PSG5: variants seen among roughly 807,000 people sequenced by gnomAD.
PSG5 encodes pregnancy-specific beta-1-glycoprotein 5.
In PSG5, 53 loss-of-function variants were observed where a neutral mutation model predicts 37.7. The ratio of observed to expected loss-of-function variants is 1.41; its 90% CI spans 1.13 to 1.77. The LOEUF (loss-of-function observed/expected upper bound fraction) is 1.77, where lower values mean the gene tolerates loss of function less well. Ranked by LOEUF, PSG5 falls within the 40% of genes most tolerant of loss-of-function variation. PSG5 has a pLI of 0.00. For synonymous variants in PSG5, 221 were observed against 155.4 expected (o/e 1.42, Z -3.14); for missense variants, 547 against 405.2 (o/e 1.35, Z -3.00).
chr19:43,168,085 A>G lies in PSG5; in HGVS notation c.*159T>C. 1 of 444,190 alleles carries G rather than the reference A, an allele frequency of 2.3e-6. No individual in the cohort carries two copies. The highest frequency in any genetic ancestry group is 3.5e-5 in the East Asian group (1 of 28,750). 27.5% of individuals were successfully genotyped at this position (444,190 alleles called of 1,614,324 possible). A position where few individuals can be genotyped will look rare whatever the true frequency, so the allele number is the denominator to read the frequency against. On this transcript the variant is annotated 3_prime_UTR_variant, in exon 6 of 6. Transcript: ENST00000342951. ...AGTCCAGTGGTATGATCTTGAAGTT[A>G]TCAGGAACTTGTATTCAAGAGTCCT... is the stretch of plus-strand genomic sequence containing the variant.
At chr19:43,182,705 A>AATTTT (rs1555719494) in intron 2 of PSG5, among the ~76,000 whole-genome samples, 11 of 58,498 alleles carry the variant, frequency 1.9e-4, no homozygotes, top group African/African-American at 7.7e-4. Context: ...CATTTCAATA[A>AATTTT]TTTTTTTTTT....
chr19:43,178,631 A>C (rs186558943), intron 2 of PSG5, among the ~76,000 whole-genome samples: 4,484 of 145,988 alleles, frequency 0.031, 211 homozygotes, highest in African/African-American at 0.085. Context: ...AGCCTGAGAC[A>C]TTCACCTGTT....
chr19:43,180,973 G>C (rs574223032), intron 2 of PSG5, among the ~76,000 whole-genome samples: 1 of 151,642 alleles, frequency 6.6e-6, no homozygotes, highest in Non-Finnish European at 1.5e-5. Flanking sequence ...CCCCAAAACA[G>C]GTATGTGAAA....
intron 2 of PSG5, among the ~76,000 whole-genome samples, chr19:43,177,039 G>C (rs1386996805): frequency 4.0e-5 from 6 of 151,760 alleles, no homozygotes; most frequent in African/African-American, 1.5e-4. Flanking sequence ...ATGTGTGTTT[G>C]ATGGATATGA....
rs183030205 is a variant in PSG5, at chr19:43,173,911, C to A, written c.964+1304G>T. ...AAAAAAAATTGAACAAATATTTGTACACTGATGTTCAGAGAAGCATTACTC... is the reference window on the plus strand; with the variant it reads ...AAAAAAAATTGAACAAATATTTGTAAACTGATGTTCAGAGAAGCATTACTC... On this transcript the variant is annotated intron_variant, in intron 4 of 5. Coordinates refer to ENST00000342951, the MANE Select transcript of PSG5 (RefSeq NM_002781.4). 1.7e-4 allele frequency among the ~76,000 whole-genome samples: 26 copies of A among 151,658 alleles called. 1 individual carries two copies. The highest frequency in any genetic ancestry group is 4.6e-4 in the African/African-American group (19 of 41,216).
At chr19:43,182,996 C>T (rs949389743) in intron 2 of PSG5, among the ~76,000 whole-genome samples, 1 of 150,668 alleles carries the variant, frequency 6.6e-6, no homozygotes, top group Admixed American at 6.6e-5. Flanking sequence ...GAACAGCCAG[C>T]CTAGTTAGAG....
At chr19:43,179,765 T>C (rs2122227868) in intron 2 of PSG5, among the ~76,000 whole-genome samples, 1 of 151,740 alleles carries the variant, frequency 6.6e-6, no homozygotes, top group South Asian at 2.1e-4. Flanking sequence ...AGGTGTCTCA[T>C]AGTGACTGAC....
rs1355025459 is a variant in PSG5, at chr19:43,170,189, T to A, written c.965-51A>T. Reference sequence around the variant, plus strand: ...GGAATGAAGGTGATGTTATTTTACATGGGGGAGCCTCAGGAAGAGGCATGT... The same window carrying A: ...GGAATGAAGGTGATGTTATTTTACAAGGGGGAGCCTCAGGAAGAGGCATGT... On this transcript the variant is annotated intron_variant, in intron 4 of 5. Coordinates refer to ENST00000342951, the MANE Select transcript of PSG5 (RefSeq NM_002781.4). 3.4e-6 allele frequency: 5 copies of A among 1,460,818 alleles called. No homozygotes were observed. The East Asian group carries it at 9.6e-5, about 28-fold the overall frequency. The allele number at this position is 1,460,818 out of a possible 1,614,324, so 90.5% of individuals were successfully genotyped here.
chr19:43,184,898 G>C lies in PSG5; in HGVS notation c.314C>G (p.Ala105Gly). 1.2e-6 allele frequency: 2 copies of C among 1,612,628 alleles called. No homozygotes were observed. The highest frequency in any genetic ancestry group is 1.7e-6 in the Non-Finnish European group (2 of 1,179,188). Residue 105 changes from alanine (A) to glycine (G), a missense_variant, in exon 2 of 6, where the codon GCA (alanine) becomes GGA (glycine). Transcript: ENST00000342951. ...YTGRETVYSN[A>G]SLLIQNVTRE... is the part of the protein sequence containing the mutation. ...GGTGACATTCTGGATCAGCAGGGAT[G>C]CATTGGAATATACTGTTTCTCGTCC... is the stretch of plus-strand genomic sequence containing the variant.
rs935400645 is a variant in PSG5 at position 43,175,118 on chromosome 19, C to A, written c.964+97G>T. 29 of 1,606,040 alleles carry A rather than the reference C, an allele frequency of 1.8e-5. 1 individual carries two copies. The African/African-American group carries it at 3.2e-4, about 18-fold the overall frequency. On this transcript the variant is annotated intron_variant, in intron 4 of 5. Coordinates refer to ENST00000342951, the MANE Select transcript of PSG5 (RefSeq NM_002781.4). ...TTGGGATTTGCTTGTGCCCATGGGA[C>A]ACAGGCTGGGAATAAAAATGTTTTC...
chr19:43,174,539 A>G (rs758104762), intron 4 of PSG5: 23 of 860,824 alleles, frequency 2.7e-5, no homozygotes, highest in Non-Finnish European at 3.1e-5. Flanking sequence ...CTTCAGAGCC[A>G]GGACGCAACG....
chr19:43,182,973 C>T lies in PSG5; in HGVS notation c.430+1809G>A, dbSNP rs925479599. On this transcript the variant is annotated intron_variant, in intron 2 of 5. Coordinates refer to ENST00000342951, the MANE Select transcript of PSG5 (RefSeq NM_002781.4). ...GAGGTGGGCCAGGCCACAGTGTTAG[C>T]GGGAAGGGAACAGAACAGCCAGCCT... Among the ~76,000 whole-genome samples the T allele has an allele frequency of 3.2e-3, 487 of 150,170 alleles. 7 individuals are homozygous for T. The highest frequency in any genetic ancestry group is 0.011 in the African/African-American group (438 of 40,474).
intron 5 of PSG5, among the ~76,000 whole-genome samples, chr19:43,169,607 G>T (rs1415323469): frequency 6.6e-6 from 1 of 151,604 alleles, no homozygotes; most frequent in Non-Finnish European, 1.5e-5. Flanking sequence ...GGCTAGAGTA[G>T]ACCCCTGCAG....
At chr19:43,176,730 A>T (rs1392986118) in intron 2 of PSG5, among the ~76,000 whole-genome samples, 3 of 150,574 alleles carry the variant, frequency 2.0e-5, no homozygotes, top group Non-Finnish European at 4.4e-5. Flanking sequence ...CAGTGGAGGC[A>T]GAAAGTGGGG....
In PSG5 at chr19:43,174,357, T is replaced by C. The variant is rs1436650413; in HGVS notation, c.964+858A>G. On this transcript the variant is annotated intron_variant, in intron 4 of 5. Transcript: ENST00000342951. The stretch of plus-strand genomic sequence containing the variant: ...TGGTAAGTCTTATATTAGATATATA[T>C]AAAGTGTCTGGTAGTCTTACCCTCT... 2.4e-5 allele frequency: 18 copies of C among 749,612 alleles called. 1 individual carries two copies. The Admixed American group carries it at 1.1e-3, about 47-fold the overall frequency. The allele number at this position is 749,612 out of a possible 1,614,324, so 46.4% of individuals were successfully genotyped here.
chr19:43,181,616 G>A (rs970161705), intron 2 of PSG5, among the ~76,000 whole-genome samples: 9 of 151,582 alleles, frequency 5.9e-5, no homozygotes, highest in East Asian at 5.8e-4. Flanking sequence ...CCGCCACCAC[G>A]CCCAGCTAAT....
chr19:43,182,855 TCA>T (rs1172913381), intron 2 of PSG5, among the ~76,000 whole-genome samples: 2 of 148,144 alleles, frequency 1.4e-5, no homozygotes, highest in African/African-American at 5.1e-5. Flanking sequence ...CAGTGGAAGC[TCA>T]TTCTCTTAGT....
chr19:43,176,858 G>A lies in PSG5; in HGVS notation c.431-710C>T, dbSNP rs1046153723. Reference sequence around the variant, plus strand: ...GGGACAGGCAAGAGCTGGTGGCTTTGGAGCAGAACCATGTTCCCTGTCCTG... The same window carrying A: ...GGGACAGGCAAGAGCTGGTGGCTTTAGAGCAGAACCATGTTCCCTGTCCTG... On this transcript the variant is annotated intron_variant, in intron 2 of 5. Coordinates refer to ENST00000342951, the MANE Select transcript of PSG5 (RefSeq NM_002781.4). Among the ~76,000 whole-genome samples, 8 of 150,944 alleles carry A rather than the reference G, an allele frequency of 5.3e-5. 1 individual carries two copies. The highest frequency in any genetic ancestry group is 1.5e-4 in the African/African-American group (6 of 40,900).
intron 4 of PSG5, among the ~76,000 whole-genome samples, chr19:43,172,196 A>C (rs1291053450): frequency 1.3e-5 from 2 of 151,618 alleles, no homozygotes; most frequent in African/African-American, 4.9e-5. Flanking sequence ...GATGAAATTC[A>C]ATATTTTTTC....
Sources: gnomAD v4.1 joint callset for allele counts (sites outside exome capture counted in the v4.1 genomes callset) on GRCh38, gnomAD v4.1.1 for gene constraint, MANE v1.5 for transcripts, NCBI Gene and HGNC (gene_info 2026-07-23, HGNC 2026-07-21) for gene names.